RUNX1T1: variants seen among roughly 807,000 people sequenced by gnomAD.
RUNX1T1 encodes the protein RUNX1 partner transcriptional co-repressor 1, also known as protein CBFA2T1.
Under a neutral mutation model 62.8 loss-of-function variants are expected in RUNX1T1, and 4 were observed. The ratio of observed to expected loss-of-function variants is 0.06; its 90% CI spans 0.03 to 0.15. RUNX1T1 has a LOEUF of 0.15. Ranked by LOEUF, RUNX1T1 falls within the 10% of genes least tolerant of loss-of-function variation. The pLI is 1.00. For missense variants in RUNX1T1, 508 were observed against 754.3 expected, an observed-to-expected ratio of 0.67 and a Z score of 3.82; for synonymous variants, 291 against 286.0, an observed-to-expected ratio of 1.02 and a Z score of -0.18.
intron 5 of RUNX1T1, among the ~76,000 whole-genome samples, chr8:92,001,482 G>A (rs1819750864): frequency 6.6e-6 from 1 of 152,200 alleles, no homozygotes; most frequent in Non-Finnish European, 1.5e-5. Context: ...TAACCCTTGG[G>A]GGAGGAGGAA....
chr8:92,052,935 T>G (rs1830452466), intron 1 of RUNX1T1, among the ~76,000 whole-genome samples: 1 of 152,182 alleles, frequency 6.6e-6, no homozygotes, highest in Non-Finnish European at 1.5e-5. Context: ...TGAGCTAAAC[T>G]GACCTTCCAA....
intron 8 of RUNX1T1, among the ~76,000 whole-genome samples, chr8:91,980,335 A>G (rs1814947411): frequency 6.6e-6 from 1 of 152,190 alleles, no homozygotes; most frequent in Admixed American, 6.5e-5. Context: ...AACTCCAAAC[A>G]TTTACATGCA....
intron 5 of RUNX1T1, among the ~76,000 whole-genome samples, chr8:91,993,462 ACTATTATGGAGCG>A (rs1563699110): frequency 6.6e-6 from 1 of 152,106 alleles, no homozygotes; most frequent in Non-Finnish European, 1.5e-5. Flanking sequence ...AGAAGGATGC[ACTATTATGGAGCG>A]GGCAGGGGAC....
intron 2 of RUNX1T1, among the ~76,000 whole-genome samples, chr8:92,069,572 ATT>A (rs543114884): frequency 3.0e-4 from 46 of 152,324 alleles, no homozygotes; most frequent in African/African-American, 1.1e-3. Flanking sequence ...TCAAAAATGA[ATT>A]TTAGTTACAA....
chr8:91,998,070 G>A (rs1170010314), intron 5 of RUNX1T1, among the ~76,000 whole-genome samples: 1 of 152,062 alleles, frequency 6.6e-6, no homozygotes, highest in Non-Finnish European at 1.5e-5. Flanking sequence ...TGTTAAGATT[G>A]CCATAGAATG....
At chr8:92,098,139 A>G (rs563129014) in intron 1 of RUNX1T1, among the ~76,000 whole-genome samples, 10 of 152,336 alleles carry the variant, frequency 6.6e-5, no homozygotes, top group African/African-American at 2.4e-4. Flanking sequence ...GAGTATGTGA[A>G]TTCTAGTGTG....
At chr8:92,006,315 T>C (rs1178703233) in intron 4 of RUNX1T1, 1 of 152,166 alleles carries the variant, frequency 6.6e-6, no homozygotes, top group Non-Finnish European at 1.5e-5. Context: ...AAGGAGAAGA[T>C]ACTGGGAAGA....
At chr8:92,024,970 A>C (rs1380507868) in intron 1 of RUNX1T1, among the ~76,000 whole-genome samples, 1 of 152,184 alleles carries the variant, frequency 6.6e-6, no homozygotes, top group Non-Finnish European at 1.5e-5. Context: ...TGTGTATTGC[A>C]TTCTTGGTCA....
chr8:92,021,716 T>C (rs1333154171), intron 1 of RUNX1T1, among the ~76,000 whole-genome samples: 2 of 151,976 alleles, frequency 1.3e-5, no homozygotes, highest in Non-Finnish European at 2.9e-5. Flanking sequence ...TTGAATGAGA[T>C]TGCACGTTTT....
rs528322940 is a variant in RUNX1T1, at chr8:92,058,313, C to T, written c.7+4233G>A. Among the ~76,000 whole-genome samples the T allele has an allele frequency of 7.2e-5, 11 of 152,244 alleles. No individual in the cohort carries two copies. In the South Asian group the frequency reaches 2.1e-3, roughly 29 times the overall value. On this transcript the variant is annotated intron_variant, in intron 1 of 10. Transcript: ENST00000396218. ...TACATTTTTGGTTCTGCTTAATACT[C>T]TCTTAATTAACTATATATAGGTTCC...
At chr8:92,077,371 C>T (rs1024359321) in intron 1 of RUNX1T1, among the ~76,000 whole-genome samples, 1 of 151,914 alleles carries the variant, frequency 6.6e-6, no homozygotes, top group African/African-American at 2.4e-5. Flanking sequence ...CAAAAAATTT[C>T]AATGCTATAA....
intron 1 of RUNX1T1, among the ~76,000 whole-genome samples, chr8:92,093,310 T>G (rs920950531): frequency 3.3e-5 from 5 of 149,610 alleles, no homozygotes; most frequent in East Asian, 3.9e-4. Flanking sequence ...TCCCTTCTGG[T>G]TTTTTTTTTC....
At chr8:92,001,128 C>T (rs543709655) in intron 5 of RUNX1T1, among the ~76,000 whole-genome samples, 2 of 151,920 alleles carry the variant, frequency 1.3e-5, no homozygotes, top group African/African-American at 4.8e-5. Context: ...GAGTTTAAGA[C>T]CAGCCTGGGC....
At chr8:92,002,481 T>A (rs1485308877) in intron 5 of RUNX1T1, among the ~76,000 whole-genome samples, 1 of 152,080 alleles carries the variant, frequency 6.6e-6, no homozygotes, top group Admixed American at 6.6e-5. Context: ...CCAAAACCCA[T>A]CCCTGAAACA....
rs1358038950 is a variant in RUNX1T1 at position 91,983,868 on chromosome 8, A to G, written c.1198+2256T>C. On this transcript the variant is annotated intron_variant, in intron 8 of 10. Transcript: ENST00000396218. ...AGAAAATAGTACACAAGGCTGCAAG[A>G]ATCAGCTAGTAAGGATGCACAGTGA... Among the ~76,000 whole-genome samples, 5 of 152,238 alleles carry G rather than the reference A, an allele frequency of 3.3e-5. No homozygotes were observed. In the East Asian group the frequency reaches 9.6e-4, roughly 29 times the overall value.
intron 1 of RUNX1T1, among the ~76,000 whole-genome samples, chr8:92,057,887 C>T (rs1388046163): frequency 6.6e-6 from 1 of 152,164 alleles, no homozygotes; most frequent in Non-Finnish European, 1.5e-5. Context: ...CACTGCCACA[C>T]ACAGAAATTA....
chr8:92,062,974 C>T, upstream of RUNX1T1: 1 of 1,217,370 alleles, frequency 8.2e-7, no homozygotes, highest in Non-Finnish European at 1.0e-6. Flanking sequence ...CCACCACCCC[C>T]ATCCTGTTCA....
intron 10 of RUNX1T1, among the ~76,000 whole-genome samples, chr8:91,965,958 T>C (rs1002929698): frequency 6.6e-6 from 1 of 151,942 alleles, no homozygotes; most frequent in South Asian, 2.1e-4. Flanking sequence ...CTCCACCACC[T>C]TGCAAAGCAG....
intron 1 of RUNX1T1, chr8:92,062,523 A>G (rs1252687821): frequency 6.2e-7 from 1 of 1,612,410 alleles, no homozygotes; most frequent in Admixed American, 1.7e-5. Flanking sequence ...AAACAGAGAG[A>G]ACACAGAACA....
Sources: allele counts gnomAD v4.1 joint callset (sites outside exome capture counted in the v4.1 genomes callset), GRCh38; gene constraint gnomAD v4.1.1; transcripts MANE v1.5; gene names NCBI Gene and HGNC (gene_info 2026-07-23, HGNC 2026-07-21).